DAB1: variants seen among roughly 807,000 people sequenced by gnomAD.
DAB1 encodes DAB adaptor protein 1.
A neutral mutation model predicts 64.6 loss-of-function variants in DAB1; 15 were observed. The ratio of observed to expected loss-of-function variants is 0.23; its 90% CI spans 0.16 to 0.36. The LOEUF is 0.36. Ranked by LOEUF, DAB1 falls within the 10% of genes least tolerant of loss-of-function variation. DAB1 has a pLI of 1.00. For missense variants in DAB1, 596 were observed against 706.7 expected, an observed-to-expected ratio of 0.84 and a Z score of 1.78; for synonymous variants, 235 against 251.9, an observed-to-expected ratio of 0.93 and a Z score of 0.64.
intron 2 of DAB1, among the ~76,000 whole-genome samples, chr1:57,272,841 G>A (rs952197040): frequency 1.5e-4 from 23 of 152,270 alleles, no homozygotes; most frequent in African/African-American, 3.4e-4. Flanking sequence ...GGTGTGGGGC[G>A]GGCAGTAGGG....
chr1:58,068,516 A>G (rs1439958183), intron 5 of DAB1, among the ~76,000 whole-genome samples: 2 of 152,176 alleles, frequency 1.3e-5, no homozygotes, highest in East Asian at 1.9e-4. Flanking sequence ...CTGTAATCCC[A>G]GCACTTTGGG....
chr1:57,968,072 T>C (rs1645711621), intron 5 of DAB1, among the ~76,000 whole-genome samples: 1 of 152,196 alleles, frequency 6.6e-6, no homozygotes, highest in South Asian at 2.1e-4. Flanking sequence ...ACTCAGCAGA[T>C]GCCGAAATAT....
chr1:57,141,344 T>G (rs1298317290), intron 3 of DAB1, among the ~76,000 whole-genome samples: 1 of 152,128 alleles, frequency 6.6e-6, no homozygotes. Context: ...AGGAGATCAG[T>G]GGGTAGGAGA....
At chr1:57,513,502 A>G (rs1472211633) in intron 7 of DAB1, among the ~76,000 whole-genome samples, 3 of 152,304 alleles carry the variant, frequency 2.0e-5, no homozygotes, top group South Asian at 2.1e-4. Context: ...AGGAAACCCA[A>G]GAAAGAAAAA....
rs564958156 is a variant in DAB1, at chr1:57,792,228, G to C, written n.551+91771C>G. Among the ~76,000 whole-genome samples, 22 of 152,226 alleles carry C rather than the reference G, an allele frequency of 1.4e-4. No homozygotes were observed. In the South Asian group the frequency reaches 4.1e-3, roughly 29 times the overall value. On this transcript the variant is annotated intron_variant and non_coding_transcript_variant, in intron 6 of 20. Coordinates refer to the DAB1 transcript ENST00000485760. ...TCTTAAAATCACTCTAATCTTACCA[G>C]GGTTTTGGATAGCTTGGACAATGTG... is the stretch of plus-strand genomic sequence containing the variant.
At chr1:57,258,580 T>A (rs1669944480) in intron 2 of DAB1, among the ~76,000 whole-genome samples, 1 of 152,196 alleles carries the variant, frequency 6.6e-6, no homozygotes, top group African/African-American at 2.4e-5. Context: ...CAAATCGCTT[T>A]CCTCATCCAT....
chr1:57,218,833 A>G (rs1225722533), intron 2 of DAB1, among the ~76,000 whole-genome samples: 1 of 152,164 alleles, frequency 6.6e-6, no homozygotes, highest in Non-Finnish European at 1.5e-5. Context: ...TTGGTGAGAT[A>G]AAGGATGCAG....
chr1:58,345,057 A>G (rs1569665548), intron 3 of DAB1, among the ~76,000 whole-genome samples: 1 of 152,122 alleles, frequency 6.6e-6, no homozygotes, highest in Admixed American at 6.5e-5. Context: ...CCTTCAGCCC[A>G]CCTTCCACTG....
chr1:58,228,625 T>A, intron 4 of DAB1: 1 of 779,968 alleles, frequency 1.3e-6, no homozygotes, highest in Non-Finnish European at 2.0e-6. Context: ...TGCCCCCTTG[T>A]GCGAGGTTCA....
intron 6 of DAB1, among the ~76,000 whole-genome samples, chr1:57,744,978 C>A (rs1442405585): frequency 6.6e-6 from 1 of 152,162 alleles, no homozygotes; most frequent in Non-Finnish European, 1.5e-5. Flanking sequence ...GCACTAGTCT[C>A]ACATTTCTTA....
chr1:58,421,155 C>T (rs1644767719), intron 3 of DAB1, among the ~76,000 whole-genome samples: 1 of 152,212 alleles, frequency 6.6e-6, no homozygotes, highest in Non-Finnish European at 1.5e-5. Flanking sequence ...CCGTAATGCT[C>T]TAATTATGTG....
At chr1:58,436,587 T>C (rs537857577) in intron 3 of DAB1, among the ~76,000 whole-genome samples, 6 of 152,314 alleles carry the variant, frequency 3.9e-5, no homozygotes, top group African/African-American at 1.4e-4. Context: ...TGAATCACAC[T>C]AATATCAGAG....
At chr1:58,110,846 G>T (rs913427591) in intron 5 of DAB1, among the ~76,000 whole-genome samples, 1 of 152,200 alleles carries the variant, frequency 6.6e-6, no homozygotes, top group South Asian at 2.1e-4. Context: ...TATTTAGGAA[G>T]TTGCTGGGGA....
At chr1:58,524,621 T>A (rs1222647180) in intron 2 of DAB1, among the ~76,000 whole-genome samples, 1 of 152,246 alleles carries the variant, frequency 6.6e-6, no homozygotes, top group Admixed American at 6.5e-5. Flanking sequence ...TTTTCCTTTT[T>A]TCAACGGTCC....
intron 7 of DAB1, among the ~76,000 whole-genome samples, chr1:57,512,213 C>G (rs1199077948): frequency 1.3e-5 from 2 of 152,126 alleles, no homozygotes; most frequent in Non-Finnish European, 2.9e-5. Context: ...ATTATAATTT[C>G]TTATATGTCT....
intron 1 of DAB1, among the ~76,000 whole-genome samples, chr1:57,400,081 A>G (rs1266572385): frequency 6.6e-6 from 1 of 152,220 alleles, no homozygotes; most frequent in African/African-American, 2.4e-5. Flanking sequence ...TGGAATTATC[A>G]TCTAAATGTC....
intron 3 of DAB1, among the ~76,000 whole-genome samples, chr1:58,380,623 A>T (rs1479372816): frequency 6.6e-6 from 1 of 152,246 alleles, no homozygotes; most frequent in Non-Finnish European, 1.5e-5. Context: ...GGTTGTCATC[A>T]GCTTTTCTTA....
downstream of DAB1, among the ~76,000 whole-genome samples, chr1:57,823,046 G>A (rs1043183463): frequency 8.7e-5 from 13 of 148,814 alleles, no homozygotes; most frequent in Admixed American, 2.0e-4. Context: ...GTGCAGTGGC[G>A]CGATCTTGGC....
chr1:58,213,672 G>C (rs138368250), intron 4 of DAB1, among the ~76,000 whole-genome samples: 2 of 152,108 alleles, frequency 1.3e-5, no homozygotes, highest in African/African-American at 2.4e-5. Flanking sequence ...TGAGATTTGG[G>C]TAGGGACATA....
Sources: allele counts gnomAD v4.1 joint callset (sites outside exome capture counted in the v4.1 genomes callset), GRCh38; gene constraint gnomAD v4.1.1; transcripts MANE v1.5; gene names NCBI Gene and HGNC (gene_info 2026-07-23, HGNC 2026-07-21).